Variants in CELF2 observed in about 807,000 individuals in gnomAD.
CELF2 encodes the protein CUGBP Elav-like family member 2, also known as CUG triplet repeat RNA-binding protein 2.
A neutral mutation model predicts 62.6 loss-of-function variants in CELF2; 8 were observed. The observed-to-expected ratio is 0.13, with a 90% CI of 0.07 to 0.23. CELF2 has a LOEUF of 0.23. Ranked by LOEUF, CELF2 falls within the 10% of genes least tolerant of loss-of-function variation. The pLI, the probability that CELF2 is intolerant of heterozygous loss-of-function variation, is 1.00. For missense variants in CELF2, 333 were observed against 671.0 expected (o/e 0.50, Z 5.56); for synonymous variants, 258 against 250.0 (o/e 1.03, Z -0.30).
At chr10:10,560,418 A>G in the CELF2 span, among the ~76,000 whole-genome samples, 2 of 152,178 alleles carry the variant, frequency 1.3e-5, no homozygotes, top group Non-Finnish European at 1.5e-5. Flanking sequence ...CCATTGGAAA[A>G]TAAGTCCAGA....
intron 1 of CELF2, among the ~76,000 whole-genome samples, chr10:11,070,843 G>A (rs1333942111): frequency 2.0e-5 from 3 of 152,166 alleles, no homozygotes; most frequent in South Asian, 2.1e-4. Flanking sequence ...AGAGGAAAAC[G>A]AAAGAACAAA....
chr10:10,673,497 TTGA>T, the CELF2 span, among the ~76,000 whole-genome samples: 1 of 152,140 alleles, frequency 6.6e-6, no homozygotes, highest in Admixed American at 6.5e-5. Flanking sequence ...TTTGGTTTTG[TTGA>T]TTTTCTTTAT....
intron 1 of CELF2, among the ~76,000 whole-genome samples, chr10:11,085,404 C>T (rs2046425202): frequency 6.6e-6 from 1 of 152,082 alleles, no homozygotes; most frequent in South Asian, 2.1e-4. Context: ...AGATTTGAGC[C>T]CGTGTATTAG....
In CELF2 at chr10:11,223,656, G is replaced by A. The variant is rs1367418309; in HGVS notation, c.354+6149G>A. Among the ~76,000 whole-genome samples, 3 of 152,228 alleles carry A rather than the reference G, an allele frequency of 2.0e-5. No homozygotes were observed. The highest frequency in any genetic ancestry group is 6.5e-5 in the Admixed American group (1 of 15,288). On this transcript the variant is annotated intron_variant, in intron 3 of 12. Transcript: ENST00000633077. The surrounding 1 kb of genome is among the most constrained non-coding windows in gnomAD (Gnocchi z 5.1). ...GAGCTCCGGAGGAGTCCTTGAGGGTGCAGAAGCTCCCTTCCCCCTGCAGGA... is the reference window on the plus strand; with the variant it reads ...GAGCTCCGGAGGAGTCCTTGAGGGTACAGAAGCTCCCTTCCCCCTGCAGGA...
At chr10:11,106,760 AC>A (rs768432305) in intron 1 of CELF2, among the ~76,000 whole-genome samples, 1 of 152,264 alleles carries the variant, frequency 6.6e-6, no homozygotes, top group Non-Finnish European at 1.5e-5. Context: ...GAAGGAGCTA[AC>A]ACCTGAGGAG....
chr10:10,782,887 G>C, the CELF2 span, among the ~76,000 whole-genome samples: 3 of 152,162 alleles, frequency 2.0e-5, no homozygotes, highest in Non-Finnish European at 4.4e-5. Context: ...GAATGGGATT[G>C]TATGACTAAA....
intron 2 of CELF2, among the ~76,000 whole-genome samples, chr10:10,953,446 G>A (rs1045169991): frequency 6.6e-6 from 1 of 152,176 alleles, no homozygotes; most frequent in Non-Finnish European, 1.5e-5. Context: ...TATCTAACAA[G>A]AATAATTGTT....
chr10:10,610,316 A>G, the CELF2 span, among the ~76,000 whole-genome samples: 1 of 152,234 alleles, frequency 6.6e-6, no homozygotes, highest in South Asian at 2.1e-4. Context: ...CTTCCTACAC[A>G]GAGTGCCATC....
intron 1 of CELF2, among the ~76,000 whole-genome samples, chr10:10,832,623 T>A (rs1342348467): frequency 6.6e-6 from 1 of 152,154 alleles, no homozygotes; most frequent in African/African-American, 2.4e-5. Context: ...CAATAAAACA[T>A]TGATGATCAA....
the CELF2 span, among the ~76,000 whole-genome samples, chr10:10,574,245 T>C: frequency 6.6e-6 from 1 of 152,106 alleles, no homozygotes; most frequent in Non-Finnish European, 1.5e-5. Context: ...ATAGAAGGCT[T>C]TTGAGCAAGT....
chr10:10,562,519 A>G, the CELF2 span, among the ~76,000 whole-genome samples: 1,745 of 152,286 alleles, frequency 0.011, 62 homozygotes, highest in East Asian at 0.099. Context: ...AGTAATTTGC[A>G]GAGAGTAGTG....
At chr10:11,022,046 C>T (rs1177299312) in intron 1 of CELF2, among the ~76,000 whole-genome samples, 3 of 152,144 alleles carry the variant, frequency 2.0e-5, no homozygotes, top group East Asian at 3.9e-4. Context: ...CTGTTTTTCT[C>T]CTCCATGGGC....
At chr10:10,832,815 G>A (rs1386506505) in intron 1 of CELF2, among the ~76,000 whole-genome samples, 1 of 152,136 alleles carries the variant, frequency 6.6e-6, no homozygotes, top group African/African-American at 2.4e-5. Flanking sequence ...CATTACACTG[G>A]AATCGGAGGG....
rs1250180915 is a variant in CELF2, at chr10:10,931,555, C to T, written c.89+11556C>T. ...TCAGGCTAGCATCGACATAGTGACA[C>T]CTGGTGGCCCCTAATTCATCATTGG... On this transcript the variant is annotated intron_variant, in intron 2 of 13. Coordinates refer to the CELF2 transcript ENST00000636488. This position sits in a 1 kb window ranked among gnomAD's most constrained non-coding sequence, Gnocchi z 6.1. Among the ~76,000 whole-genome samples the T allele has an allele frequency of 6.6e-6, 1 of 151,910 alleles. No individual in the cohort carries two copies. The highest frequency in any genetic ancestry group is 2.4e-5 in the African/African-American group (1 of 41,184).
At chr10:11,001,655 GT>G (rs971746662), upstream of CELF2, among the ~76,000 whole-genome samples, 1 of 152,002 alleles carries the variant, frequency 6.6e-6, no homozygotes, top group Non-Finnish European at 1.5e-5. Context: ...AACTTTTCTA[GT>G]TTTTTTCTTC....
rs1266652294 is a variant in CELF2, at chr10:11,318,895, C to T, written c.1097-2294C>T. 1 of 471,072 alleles carries T rather than the reference C, an allele frequency of 2.1e-6. No homozygotes were observed. The highest frequency in any genetic ancestry group is 4.4e-6 in the Non-Finnish European group (1 of 227,056). The allele number at this position is 471,072 out of a possible 1,614,324, so 29.2% of individuals were successfully genotyped here. ...CAGGAAGGATCCCCCGTGGGTCTCA[C>T]ATGACAGGGCCTGAAAACTCCCACC... is the stretch of plus-strand genomic sequence containing the variant. On this transcript the variant is annotated intron_variant, in intron 10 of 12. Coordinates refer to ENST00000633077, the MANE Select transcript of CELF2 (RefSeq NM_001326342.2). The surrounding 1 kb of genome is among the most constrained non-coding windows in gnomAD (Gnocchi z 5.4).
intron 1 of CELF2, among the ~76,000 whole-genome samples, chr10:10,916,679 C>T (rs1011448445): frequency 5.3e-5 from 8 of 152,188 alleles, no homozygotes; most frequent in South Asian, 2.1e-4. Context: ...GTGGCGTGAT[C>T]GCTGCTCACT....
intron 3 of CELF2, among the ~76,000 whole-genome samples, chr10:11,245,835 G>A (rs774936323): frequency 4.6e-5 from 7 of 152,198 alleles, no homozygotes; most frequent in African/African-American, 1.4e-4. Flanking sequence ...GAAGCATGCC[G>A]TTCTTAACCG....
intron 1 of CELF2, among the ~76,000 whole-genome samples, chr10:10,847,151 A>T (rs922946290): frequency 1.3e-5 from 2 of 151,836 alleles, no homozygotes; most frequent in African/African-American, 4.8e-5. Context: ...ATCTATTTAT[A>T]TTAGGTATAT....
Sources: gnomAD v4.1 joint callset for allele counts (sites outside exome capture counted in the v4.1 genomes callset) on GRCh38, gnomAD v4.1.1 for gene constraint, Gnocchi (gnomAD v3.1) non-coding constraint, MANE v1.5 for transcripts, NCBI Gene and HGNC (gene_info 2026-07-23, HGNC 2026-07-21) for gene names.